The following DCC variants were observed in gnomAD, a reference collection of about 807,000 sequenced individuals.
DCC encodes netrin receptor DCC.
A neutral mutation model predicts 172.5 loss-of-function variants in DCC; 58 were observed. The observed-to-expected ratio is 0.34, with a 90% CI of 0.27 to 0.42. The LOEUF is 0.42. DCC is among the 10% of genes least tolerant of loss of function. DCC has a pLI of 1.00. For synonymous variants in DCC, 709 were observed against 644.5 expected (o/e 1.10, Z -1.52); for missense variants, 1,740 against 1,791.0 (o/e 0.97, Z 0.51).
intron 1 of DCC, among the ~76,000 whole-genome samples, chr18:52,587,901 T>G (rs550640001): frequency 2.6e-5 from 4 of 152,140 alleles, no homozygotes; most frequent in Admixed American, 6.5e-5. Flanking sequence ...GTGGAAACCA[T>G]GGGCATTTAA....
At chr18:52,620,004 C>G (rs1483862198) in intron 1 of DCC, among the ~76,000 whole-genome samples, 1 of 152,194 alleles carries the variant, frequency 6.6e-6, no homozygotes, top group African/African-American at 2.4e-5. Context: ...TCACTACCCA[C>G]TAGACTTGAA....
chr18:52,994,708 C>G (rs2041451962), intron 5 of DCC, among the ~76,000 whole-genome samples: 1 of 152,086 alleles, frequency 6.6e-6, no homozygotes, highest in Non-Finnish European at 1.5e-5. Context: ...CTTCTGGTAG[C>G]CCAGTATGCC....
chr18:52,561,447 T>TAC (rs201491450), intron 1 of DCC, among the ~76,000 whole-genome samples: 3 of 151,828 alleles, frequency 2.0e-5, no homozygotes, highest in East Asian at 1.9e-4. Context: ...GTCTATGTGC[T>TAC]ACACACACAT....
chr18:52,898,609 TCTC>T (rs1333808576), intron 2 of DCC, among the ~76,000 whole-genome samples: 20 of 152,118 alleles, frequency 1.3e-4, no homozygotes, highest in Non-Finnish European at 7.3e-5. Flanking sequence ...AGACTATTGT[TCTC>T]CTTATTTTGA....
intron 1 of DCC, among the ~76,000 whole-genome samples, chr18:52,381,198 A>C (rs1188706166): frequency 2.0e-5 from 3 of 152,156 alleles, no homozygotes; most frequent in Non-Finnish European, 4.4e-5. Context: ...TCACTGTGAA[A>C]TTATAAACTG....
intron 27 of DCC, among the ~76,000 whole-genome samples, chr18:53,503,660 T>C (rs1326773316): frequency 6.6e-6 from 1 of 152,216 alleles, no homozygotes; most frequent in African/African-American, 2.4e-5. Flanking sequence ...AAAATTCCTT[T>C]TAGTGATCAG....
In DCC at chr18:53,141,292, A is replaced by G. The variant is rs186059066; in HGVS notation, c.1262-16064A>G. 8.5e-5 allele frequency among the ~76,000 whole-genome samples: 13 copies of G among 152,334 alleles called. No homozygotes were observed. The South Asian group carries it at 2.7e-3, about 32-fold the overall frequency. ...TGGGAAAGTAAGAGAACCACTGTGT[A>G]TGAGTGGGTATCCTCCAAAATAAAT... On this transcript the variant is annotated intron_variant, in intron 7 of 28. Transcript: ENST00000442544.
rs547455294 is a variant in DCC at position 53,306,225 on chromosome 18, A to G, written c.2053+506A>G. ...TATTGATAGAATTCAGAGTAGATCAACCTTCTCTATGAAAACTGGACCCAG... is the reference window on the plus strand; with the variant it reads ...TATTGATAGAATTCAGAGTAGATCAGCCTTCTCTATGAAAACTGGACCCAG... On this transcript the variant is annotated intron_variant, in intron 13 of 28. Coordinates refer to ENST00000442544, the MANE Select transcript of DCC (RefSeq NM_005215.4). Among the ~76,000 whole-genome samples, 27 of 152,336 alleles carry G rather than the reference A, an allele frequency of 1.8e-4. 1 individual carries two copies. In the South Asian group the frequency reaches 5.4e-3, roughly 30 times the overall value.
chr18:52,833,993 C>T (rs559544181), intron 2 of DCC, among the ~76,000 whole-genome samples: 1 of 152,236 alleles, frequency 6.6e-6, no homozygotes, highest in South Asian at 2.1e-4. Flanking sequence ...CTGCCAAGCT[C>T]CAGCACAGAA....
intron 12 of DCC, among the ~76,000 whole-genome samples, chr18:53,265,856 T>C (rs2056667586): frequency 6.6e-6 from 1 of 152,188 alleles, no homozygotes. Flanking sequence ...TGAAGTTTAC[T>C]TTCTGTTGGT....
At chr18:53,224,101 A>G (rs1358989801) in intron 12 of DCC, among the ~76,000 whole-genome samples, 6 of 152,206 alleles carry the variant, frequency 3.9e-5, no homozygotes, top group African/African-American at 1.4e-4. Flanking sequence ...GAAATAGACT[A>G]ATAAACAAAT....
chr18:52,903,392 C>T (rs552299996), intron 2 of DCC, among the ~76,000 whole-genome samples: 28 of 151,988 alleles, frequency 1.8e-4, no homozygotes, highest in African/African-American at 5.8e-4. Flanking sequence ...TTTCTTGTAG[C>T]GACAGCGTTT....
intron 1 of DCC, among the ~76,000 whole-genome samples, chr18:52,532,314 T>A (rs1183439404): frequency 6.6e-6 from 1 of 152,222 alleles, no homozygotes; most frequent in African/African-American, 2.4e-5. Context: ...CTATTAAATC[T>A]CTCAAGAATT....
chr18:53,178,473 G>T (rs2055143312), intron 8 of DCC, among the ~76,000 whole-genome samples: 1 of 152,140 alleles, frequency 6.6e-6, no homozygotes, highest in Non-Finnish European at 1.5e-5. Flanking sequence ...TCCATACATA[G>T]AACACTAAGC....
chr18:53,205,119 T>G, intron 9 of DCC, 97 bp from the exon 10 acceptor site: 1 of 925,490 alleles, frequency 1.1e-6, no homozygotes, highest in Non-Finnish European at 1.8e-6. Context: ...TCCTAGAATT[T>G]TATTGAACTG....
In DCC at chr18:53,072,026, G is replaced by A. The variant is rs534259532; in HGVS notation, c.1261+5860G>A. On this transcript the variant is annotated intron_variant, in intron 7 of 28. Coordinates refer to ENST00000442544, the MANE Select transcript of DCC (RefSeq NM_005215.4). ...GCCTGTAATCCCAGCTACTTGGGAGGCTGAGGCCAGGACAATCAGTTGAAC... is the reference window on the plus strand; with the variant it reads ...GCCTGTAATCCCAGCTACTTGGGAGACTGAGGCCAGGACAATCAGTTGAAC... Among the ~76,000 whole-genome samples the A allele has an allele frequency of 8.5e-5, 13 of 152,260 alleles. No homozygotes were observed. In the East Asian group the frequency reaches 2.3e-3, roughly 27 times the overall value.
chr18:52,700,671 T>A (rs964832660), intron 1 of DCC, among the ~76,000 whole-genome samples: 18 of 152,218 alleles, frequency 1.2e-4, no homozygotes, highest in Admixed American at 1.2e-3. Flanking sequence ...TTGTACTCAA[T>A]AGGTATTTGT....
At chr18:52,844,174 G>T (rs540210193) in intron 2 of DCC, among the ~76,000 whole-genome samples, 169 of 152,192 alleles carry the variant, frequency 1.1e-3, no homozygotes, top group Non-Finnish European at 1.7e-3. Flanking sequence ...ATATAGGACT[G>T]GTCAGATAAC....
intron 5 of DCC, among the ~76,000 whole-genome samples, chr18:53,058,581 C>A (rs1369599735): frequency 6.6e-6 from 1 of 151,954 alleles, no homozygotes; most frequent in East Asian, 1.9e-4. Context: ...ACAAATAGAT[C>A]CCAGATCCTA....
Sources: gnomAD v4.1 joint callset for allele counts (sites outside exome capture counted in the v4.1 genomes callset) on GRCh38, gnomAD v4.1.1 for gene constraint, MANE v1.5 for transcripts, NCBI Gene and HGNC (gene_info 2026-07-23, HGNC 2026-07-21) for gene names.